Variants in NR1H4 observed in about 807,000 individuals in gnomAD.
NR1H4 encodes bile acid receptor.
In NR1H4, 23 loss-of-function variants were observed where a neutral mutation model predicts 58.5. That is an observed-to-expected ratio of 0.39 (90% CI 0.28 to 0.56). The LOEUF (loss-of-function observed/expected upper bound fraction) is 0.56. NR1H4 is among the 20% of genes least tolerant of loss of function. NR1H4 has a pLI of 0.58. For synonymous variants in NR1H4, 214 were observed against 198.0 expected (o/e 1.08, Z -0.68); for missense variants, 487 against 576.9 (o/e 0.84, Z 1.60).
At chr12:100,494,606 C>T (rs1023603010) in intron 3 of NR1H4, among the ~76,000 whole-genome samples, 3 of 152,216 alleles carry the variant, frequency 2.0e-5, no homozygotes, top group Non-Finnish European at 2.9e-5. Flanking sequence ...TTATTTCTTC[C>T]AGTTGGCTTA....
At chr12:100,484,554 T>C (rs1953449498) in intron 1 of NR1H4, among the ~76,000 whole-genome samples, 1 of 152,118 alleles carries the variant, frequency 6.6e-6, no homozygotes, top group Non-Finnish European at 1.5e-5. Flanking sequence ...AAATAAACAT[T>C]TTGTCCCTCC....
intron 4 of NR1H4, among the ~76,000 whole-genome samples, chr12:100,522,527 G>T (rs1361054214): frequency 6.6e-6 from 1 of 151,750 alleles, no homozygotes; most frequent in East Asian, 1.9e-4. Flanking sequence ...CTCTGTACCT[G>T]GCACTCTTTT....
Position 100,500,919 on chromosome 12 carries a change from T to A in NR1H4, c.79+7517T>A, listed in dbSNP as rs1173972467. ...TCTTCATAGCAGTGTGAAAAGAGAC[T>A]AATAAATAGCCATACATAGCTAGTG... On this transcript the variant is annotated intron_variant, in intron 3 of 10. Coordinates refer to ENST00000392986, the MANE Select transcript of NR1H4 (RefSeq NM_001206979.2). Among the ~76,000 whole-genome samples, 3 of 152,130 alleles carry A rather than the reference T, an allele frequency of 2.0e-5. No homozygotes were observed. The East Asian group carries it at 5.8e-4, about 29-fold the overall frequency.
At chr12:100,562,740 G>GTT (rs1955504103) in intron 10 of NR1H4, among the ~76,000 whole-genome samples, 1 of 151,186 alleles carries the variant, frequency 6.6e-6, no homozygotes, top group African/African-American at 2.4e-5. Context: ...ATATTTTTTG[G>GTT]TTACTTTAAT....
chr12:100,483,923 G>A (rs2136080452), intron 1 of NR1H4, among the ~76,000 whole-genome samples: 1 of 149,406 alleles, frequency 6.7e-6, no homozygotes, highest in Non-Finnish European at 1.5e-5. Flanking sequence ...GATGAAGATT[G>A]CAGTGAACTG....
intron 4 of NR1H4, among the ~76,000 whole-genome samples, chr12:100,522,184 G>T (rs761493436): frequency 5.3e-5 from 8 of 151,786 alleles, no homozygotes; most frequent in Non-Finnish European, 1.0e-4. Context: ...GATGATGATG[G>T]TGATGGTGAT....
chr12:100,504,297 C>G (rs577193035), intron 3 of NR1H4, among the ~76,000 whole-genome samples: 4 of 151,988 alleles, frequency 2.6e-5, no homozygotes, highest in South Asian at 2.1e-4. Context: ...AGAAAAAACT[C>G]GAGTCATTTT....
intron 3 of NR1H4, among the ~76,000 whole-genome samples, chr12:100,495,097 T>A (rs1298182652): frequency 6.6e-6 from 1 of 152,218 alleles, no homozygotes; most frequent in Non-Finnish European, 1.5e-5. Context: ...GTTAGAAGCA[T>A]CTAAAGATGA....
intron 4 of NR1H4, 90 bp downstream of exon 4, chr12:100,511,233 G>A: frequency 3.9e-6 from 6 of 1,554,746 alleles, no homozygotes; most frequent in Non-Finnish European, 5.3e-6. Context: ...CTTTTCCCAG[G>A]CAACTTCCCA....
chr12:100,543,830 A>G (rs1954994749), intron 9 of NR1H4, among the ~76,000 whole-genome samples: 1 of 152,118 alleles, frequency 6.6e-6, no homozygotes, highest in East Asian at 1.9e-4. Context: ...GTTGTTTTAG[A>G]CTATTGAACA....
At chr12:100,551,872 T>G (rs1225555118) in intron 9 of NR1H4, among the ~76,000 whole-genome samples, 1 of 152,246 alleles carries the variant, frequency 6.6e-6, no homozygotes, top group Non-Finnish European at 1.5e-5. Flanking sequence ...TTGTATACTC[T>G]AAATCACCTC....
intron 9 of NR1H4, 30 bp downstream of exon 9, chr12:100,540,848 T>C: frequency 1.2e-6 from 2 of 1,612,724 alleles, no homozygotes; most frequent in Non-Finnish European, 1.7e-6. Flanking sequence ...GTAAAAGAGT[T>C]TGTTTCTAGG....
At chr12:100,561,570 G>A (rs1011829236) in intron 9 of NR1H4, among the ~76,000 whole-genome samples, 20 of 152,116 alleles carry the variant, frequency 1.3e-4, no homozygotes, top group Non-Finnish European at 2.9e-4. Flanking sequence ...TCTGGAAAAT[G>A]GAGACGTTTT....
At chr12:100,528,714 G>A (rs1169772434) in intron 4 of NR1H4, among the ~76,000 whole-genome samples, 2 of 152,214 alleles carry the variant, frequency 1.3e-5, no homozygotes, top group Non-Finnish European at 1.5e-5. Context: ...ATAATATTGT[G>A]TTGCTATTCA....
rs141577919 is a variant in NR1H4 at position 100,519,684 on chromosome 12, G to A, written c.445+8541G>A. ...GTTTCTCCAGTTCTACCCAGGAAAG[G>A]GCATAAGAATCCTCGTCTTCCAGGA... On this transcript the variant is annotated intron_variant, in intron 4 of 10. Coordinates refer to ENST00000392986, the MANE Select transcript of NR1H4 (RefSeq NM_001206979.2). 7.9e-5 allele frequency among the ~76,000 whole-genome samples: 12 copies of A among 152,190 alleles called. No individual in the cohort carries two copies. In the East Asian group the frequency reaches 1.7e-3, roughly 22 times the overall value.
At chr12:100,528,273 AT>A (rs1251877323) in intron 4 of NR1H4, among the ~76,000 whole-genome samples, 1 of 152,126 alleles carries the variant, frequency 6.6e-6, no homozygotes, top group Non-Finnish European at 1.5e-5. Context: ...ATAAAGAAGC[AT>A]GAGAAGTGCC....
intron 1 of NR1H4, among the ~76,000 whole-genome samples, chr12:100,483,345 T>C (rs968075941): frequency 2.0e-5 from 3 of 152,240 alleles, no homozygotes; most frequent in Non-Finnish European, 4.4e-5. Flanking sequence ...GAGAATGCTA[T>C]TATTAAAAAT....
At chr12:100,525,433 A>T (rs1489630739) in intron 4 of NR1H4, 9 of 152,204 alleles carry the variant, frequency 5.9e-5, no homozygotes, top group Non-Finnish European at 1.3e-4. Flanking sequence ...ATTTGGGAAA[A>T]GCTGATTAAA....
At chr12:100,557,170 A>C (rs1955347729) in intron 9 of NR1H4, among the ~76,000 whole-genome samples, 1 of 152,228 alleles carries the variant, frequency 6.6e-6, no homozygotes, top group South Asian at 2.1e-4. Context: ...ATGGTTCTGC[A>C]GGCTGTGCAA....
Sources: gnomAD v4.1 joint callset for allele counts (sites outside exome capture counted in the v4.1 genomes callset) on GRCh38, gnomAD v4.1.1 for gene constraint, MANE v1.5 for transcripts, NCBI Gene and HGNC (gene_info 2026-07-23, HGNC 2026-07-21) for gene names.